The following SLC30A6 variants were observed in gnomAD, a reference collection of about 807,000 sequenced individuals.
SLC30A6 encodes solute carrier family 30 member 6.
In SLC30A6, 55 loss-of-function variants were observed where a neutral mutation model predicts 63.0. The ratio of observed to expected loss-of-function variants is 0.87; its 90% CI spans 0.70 to 1.09. The LOEUF is 1.09. SLC30A6 is among the 50% of genes least tolerant of loss of function. The pLI, the probability that SLC30A6 is intolerant of heterozygous loss-of-function variation, is 0.00. For missense variants in SLC30A6, 587 were observed against 549.2 expected (o/e 1.07, Z -0.69); for synonymous variants, 224 against 186.1 (o/e 1.20, Z -1.66).
In SLC30A6 at chr2:32,223,362, A is replaced by G. The variant is rs979834171; in HGVS notation, c.*2649A>G. 5 of 152,230 alleles carry G rather than the reference A, an allele frequency of 3.3e-5. No individual in the cohort carries two copies. Among genetic ancestry groups the G allele is most frequent in the Non-Finnish European group, 7.3e-5 (5 of 68,038 alleles). The allele number at this position is 152,230 out of a possible 1,614,324, so 9.4% of individuals were successfully genotyped here. A position where few individuals can be genotyped will look rare whatever the true frequency, so the allele number is the denominator to read the frequency against. Reference sequence around the variant, plus strand: ...ACGAAGTCACCATATTATAATAGGAAAAACACTGCCTAGGAGGCAAGAGAT... The same window carrying G: ...ACGAAGTCACCATATTATAATAGGAGAAACACTGCCTAGGAGGCAAGAGAT... On this transcript the variant is annotated 3_prime_UTR_variant, in exon 14 of 14. Transcript: ENST00000282587.
intron 12 of SLC30A6, among the ~76,000 whole-genome samples, chr2:32,208,234 G>T (rs964610701): frequency 2.0e-5 from 3 of 151,494 alleles, no homozygotes; most frequent in Admixed American, 6.6e-5. Context: ...GAGTTCAAGC[G>T]ATTCTCCTGC....
chr2:32,209,603 T>C (rs376227982), intron 13 of SLC30A6, 42 bp downstream of exon 13: 36 of 1,461,896 alleles, frequency 2.5e-5, no homozygotes, highest in Non-Finnish European at 3.2e-5. Context: ...ATTTAAAATA[T>C]AGTCTTCCAT....
At chr2:32,210,176 G>C (rs1287038382) in intron 13 of SLC30A6, among the ~76,000 whole-genome samples, 1 of 152,150 alleles carries the variant, frequency 6.6e-6, no homozygotes. Context: ...AAAGAAAACT[G>C]CTGTTGATAT....
chr2:32,198,373 T>G (rs1034716609), intron 10 of SLC30A6, among the ~76,000 whole-genome samples: 2 of 152,172 alleles, frequency 1.3e-5, no homozygotes, highest in African/African-American at 4.8e-5. Flanking sequence ...GATTCCTAGA[T>G]TTTTATTTCT....
chr2:32,191,525 C>T (rs1683317394), intron 5 of SLC30A6, among the ~76,000 whole-genome samples: 1 of 152,086 alleles, frequency 6.6e-6, no homozygotes, highest in African/African-American at 2.4e-5. Flanking sequence ...ACAACAGTTC[C>T]TGGCCTCTGG....
intron 10 of SLC30A6, among the ~76,000 whole-genome samples, chr2:32,204,389 C>T (rs1249725311): frequency 6.6e-6 from 1 of 151,952 alleles, no homozygotes; most frequent in Non-Finnish European, 1.5e-5. Flanking sequence ...GTTATTTTTC[C>T]ACTAAACTTT....
chr2:32,193,243 T>C (rs1683495922), intron 7 of SLC30A6, among the ~76,000 whole-genome samples: 1 of 152,118 alleles, frequency 6.6e-6, no homozygotes, highest in African/African-American at 2.4e-5. Flanking sequence ...TCTTCTGTAA[T>C]TTCAAATTTG....
intron 5 of SLC30A6, among the ~76,000 whole-genome samples, chr2:32,190,453 C>A (rs1235864156): frequency 8.0e-6 from 1 of 125,766 alleles, no homozygotes; most frequent in African/African-American, 3.1e-5. Context: ...AGTGAGACTC[C>A]GTCTCAAAAA....
At chr2:32,193,021 A>T in intron 7 of SLC30A6, 68 bp downstream of exon 7, 3 of 1,060,964 alleles carry the variant, frequency 2.8e-6, no homozygotes, top group Non-Finnish European at 4.1e-6. Flanking sequence ...ATTATTAAAC[A>T]GTTGGCCAAT....
At chr2:32,190,328 G>A (rs1186193414) in intron 5 of SLC30A6, among the ~76,000 whole-genome samples, 1 of 151,936 alleles carries the variant, frequency 6.6e-6, no homozygotes, top group African/African-American at 2.4e-5. Context: ...ACATGGTGGT[G>A]GGTGCCTGTA....
At chr2:32,195,010 A>G (rs1041896386) in intron 8 of SLC30A6, among the ~76,000 whole-genome samples, 1 of 151,464 alleles carries the variant, frequency 6.6e-6, no homozygotes, top group Non-Finnish European at 1.5e-5. Flanking sequence ...TAACATTTCT[A>G]TGTTATTCCT....
chr2:32,183,132 AGCCGAGATCGC>A (rs1453654750), intron 4 of SLC30A6, among the ~76,000 whole-genome samples: 3 of 151,976 alleles, frequency 2.0e-5, no homozygotes, highest in Admixed American at 6.6e-5. Flanking sequence ...GGTTGCAGTG[AGCCGAGATCGC>A]GCCATTGCAC....
In SLC30A6 at chr2:32,213,715, T is replaced by A. The variant is rs1008938540; in HGVS notation, c.885+4154T>A. 2.0e-5 allele frequency among the ~76,000 whole-genome samples: 3 copies of A among 152,114 alleles called. No individual in the cohort carries two copies. In the South Asian group the frequency reaches 6.2e-4, roughly 32 times the overall value. ...TTCTTAGTTTTACATTATCTAAATA[T>A]GCCATAATTTATTTCATAAGTCCCT... On this transcript the variant is annotated intron_variant, in intron 13 of 13. Transcript: ENST00000282587.
At chr2:32,203,739 G>A (rs145444573) in intron 10 of SLC30A6, 371 of 1,523,308 alleles carry the variant, frequency 2.4e-4, no homozygotes, top group Non-Finnish European at 3.2e-4. Flanking sequence ...TACAGGCAGA[G>A]TGGCATGATT....
At chr2:32,175,518 A>G (rs1681654440) in intron 4 of SLC30A6, among the ~76,000 whole-genome samples, 157 bp downstream of exon 4, 1 of 152,240 alleles carries the variant, frequency 6.6e-6, no homozygotes, top group Admixed American at 6.5e-5. Flanking sequence ...AAAGGACCAC[A>G]TATTTTATGA....
At position 32,192,924 on chromosome 2, in the gene SLC30A6, A is replaced by C; in HGVS notation, c.372A>C (p.Glu124Asp). 1 of 1,529,566 alleles carries C rather than the reference A, an allele frequency of 6.5e-7. No individual in the cohort carries two copies. Among genetic ancestry groups the C allele is most frequent in the Non-Finnish European group, 8.9e-7 (1 of 1,127,286 alleles). 94.7% of individuals were successfully genotyped at this position (1,529,566 alleles called of 1,614,324 possible). A position where few individuals can be genotyped will look rare whatever the true frequency, so the allele number is the denominator to read the frequency against. ...ATATTTTTATTTCTTATAGTGCAGAACGCTTTTTGGAACAGCCCGAGATAC... is the reference window on the plus strand; with the variant it reads ...ATATTTTTATTTCTTATAGTGCAGACCGCTTTTTGGAACAGCCCGAGATAC... ...GALFILKESA[E>D]RFLEQPEIHT... Residue 124 changes from glutamate (E) to aspartate (D), a missense_variant, in exon 7 of 14, where the codon GAA (glutamate) becomes GAC (aspartate). Glu to Asp is a conservative substitution (Grantham distance 45, BLOSUM62 2). Transcript: ENST00000282587.
chr2:32,191,655 A>G (rs1432510159), intron 5 of SLC30A6, among the ~76,000 whole-genome samples: 1 of 152,176 alleles, frequency 6.6e-6, no homozygotes, highest in Non-Finnish European at 1.5e-5. Context: ...TGAGTTTGAA[A>G]ACCTTCTACT....
At chr2:32,206,424 C>T (rs1404277688) in intron 11 of SLC30A6, among the ~76,000 whole-genome samples, 3 of 138,588 alleles carry the variant, frequency 2.2e-5, no homozygotes, top group Non-Finnish European at 3.1e-5. Context: ...CCAGCCTGGG[C>T]GACAGAGCGA....
rs140803144 is a variant in SLC30A6 at position 32,177,710 on chromosome 2, G to T, written c.218+2349G>T. The T allele has an allele frequency of 1.1e-3, 171 of 158,164 alleles. 1 individual carries two copies. Among genetic ancestry groups the T allele is most frequent in the Non-Finnish European group, 1.3e-3 (93 of 71,474 alleles). 9.8% of individuals were successfully genotyped at this position (158,164 alleles called of 1,614,324 possible). On this transcript the variant is annotated intron_variant, in intron 4 of 13. Coordinates refer to ENST00000282587, the MANE Select transcript of SLC30A6 (RefSeq NM_017964.5). ...GAGTCTCACTCTGTCACCCCGGGTG[G>T]AATGCATTGGCATGATCTTGGCTCA...
Sources: allele counts gnomAD v4.1 joint callset (sites outside exome capture counted in the v4.1 genomes callset), GRCh38; gene constraint gnomAD v4.1.1; transcripts MANE v1.5; gene names NCBI Gene and HGNC (gene_info 2026-07-23, HGNC 2026-07-21).